CLSTN2: variants seen among roughly 807,000 people sequenced by gnomAD.
CLSTN2 encodes the protein calsyntenin 2, also known as calsyntenin-2.
A neutral mutation model predicts 101.2 loss-of-function variants in CLSTN2; 48 were observed. The ratio of observed to expected loss-of-function variants is 0.47; its 90% CI spans 0.38 to 0.60. CLSTN2 has a LOEUF of 0.60. Among genes scored for constraint, CLSTN2 ranks in the 20% least tolerant of loss-of-function variants. The pLI is 0.00. For synonymous variants in CLSTN2, 481 were observed against 463.6 expected, an observed-to-expected ratio of 1.04 and a Z score of -0.48; for missense variants, 1,160 against 1,238.2, an observed-to-expected ratio of 0.94 and a Z score of 0.95.
intron 2 of CLSTN2, among the ~76,000 whole-genome samples, chr3:140,292,703 C>A (rs369602911): frequency 6.6e-6 from 1 of 152,232 alleles, no homozygotes; most frequent in Non-Finnish European, 1.5e-5. Context: ...CTTAACCTCT[C>A]TCAGGCTCAA....
At chr3:140,370,452 G>T (rs2107956885) in intron 2 of CLSTN2, among the ~76,000 whole-genome samples, 1 of 152,222 alleles carries the variant, frequency 6.6e-6, no homozygotes, top group East Asian at 1.9e-4. Flanking sequence ...CTGGCATATG[G>T]TAGGTGCTCA....
intron 5 of CLSTN2, among the ~76,000 whole-genome samples, chr3:140,433,233 A>T (rs1372031071): frequency 6.6e-6 from 1 of 152,200 alleles, no homozygotes; most frequent in Non-Finnish European, 1.5e-5. Context: ...TGGCTTGTGG[A>T]TGGTGGAGGT....
intron 1 of CLSTN2, among the ~76,000 whole-genome samples, chr3:140,069,329 C>A (rs1054155807): frequency 6.6e-6 from 1 of 152,152 alleles, no homozygotes; most frequent in Non-Finnish European, 1.5e-5. Context: ...CTATCAGGAG[C>A]ATCCTGGGTA....
At chr3:140,532,204 T>C in intron 8 of CLSTN2, 120 bp from the exon 9 acceptor site, 1 of 665,574 alleles carries the variant, frequency 1.5e-6, no homozygotes, top group Non-Finnish European at 2.5e-6. Flanking sequence ...ATTCCTTGAG[T>C]GCTTTGCAAT....
At chr3:140,409,769 ATC>A (rs2088342496) in intron 4 of CLSTN2, among the ~76,000 whole-genome samples, 1 of 152,188 alleles carries the variant, frequency 6.6e-6, no homozygotes, top group South Asian at 2.1e-4. Context: ...AAACTCAGTG[ATC>A]TACAAGAGAA....
intron 9 of CLSTN2, among the ~76,000 whole-genome samples, chr3:140,540,849 CCT>C (rs1935460693): frequency 6.6e-6 from 1 of 152,206 alleles, no homozygotes; most frequent in Non-Finnish European, 1.5e-5. Flanking sequence ...GTGAGCCCCA[CCT>C]CTCAAATGAA....
chr3:140,362,081 A>T (rs2087735948), intron 2 of CLSTN2, among the ~76,000 whole-genome samples: 1 of 152,226 alleles, frequency 6.6e-6, no homozygotes, highest in South Asian at 2.1e-4. Flanking sequence ...ATAAATCGAC[A>T]GTAATCAGCA....
In CLSTN2 at chr3:140,235,315, G is replaced by A. The variant is rs556522196; in HGVS notation, c.232+59242G>A. 3.5e-4 allele frequency among the ~76,000 whole-genome samples: 53 copies of A among 152,170 alleles called. 1 individual carries two copies. In the South Asian group the frequency reaches 0.01, roughly 29 times the overall value. On this transcript the variant is annotated intron_variant, in intron 2 of 16. Coordinates refer to ENST00000458420, the MANE Select transcript of CLSTN2 (RefSeq NM_022131.3). The stretch of plus-strand genomic sequence containing the variant: ...CCAGATGGGGGCCCTAACAGTTCAC[G>A]CCACCCTTATTACCCTTTCCTTTCC...
chr3:140,221,096 A>G (rs528844662), intron 2 of CLSTN2, among the ~76,000 whole-genome samples: 1 of 152,352 alleles, frequency 6.6e-6, no homozygotes, highest in South Asian at 2.1e-4. Flanking sequence ...GTCACTGTAC[A>G]GTCAGCCAGG....
chr3:140,104,984 TA>T (rs5852969), intron 1 of CLSTN2, among the ~76,000 whole-genome samples: 50,158 of 151,934 alleles, frequency 0.33, 9,813 homozygotes, highest in East Asian at 0.56. Flanking sequence ...GTCTCAAAAA[TA>T]AAAAAACAAA....
At chr3:140,476,640 TCATGTTTTAG>T (rs1309727444) in intron 8 of CLSTN2, among the ~76,000 whole-genome samples, 45 of 150,496 alleles carry the variant, frequency 3.0e-4, no homozygotes, top group African/African-American at 8.6e-4. Context: ...TCATCAGGAA[TCATGTTTTAG>T]CATCTTTTTT....
intron 8 of CLSTN2, among the ~76,000 whole-genome samples, chr3:140,478,384 G>C (rs1236070364): frequency 6.7e-6 from 1 of 149,808 alleles, no homozygotes; most frequent in Non-Finnish European, 1.5e-5. Flanking sequence ...GTCTGTACGT[G>C]TCCATGTATG....
intron 1 of CLSTN2, among the ~76,000 whole-genome samples, chr3:140,117,513 T>TC (rs1413890570): frequency 3.3e-5 from 5 of 152,154 alleles, no homozygotes; most frequent in Admixed American, 3.3e-4. Flanking sequence ...TATGACATGT[T>TC]CCCATGACTG....
At chr3:140,564,422 C>A (rs1023235244) in intron 16 of CLSTN2, among the ~76,000 whole-genome samples, 2 of 152,206 alleles carry the variant, frequency 1.3e-5, no homozygotes, top group African/African-American at 4.8e-5. Context: ...AAGCAAACAC[C>A]ACGAGGTGGC....
At chr3:140,211,425 C>CACACACACACACACAG (rs2010853601) in intron 2 of CLSTN2, among the ~76,000 whole-genome samples, 1 of 148,314 alleles carries the variant, frequency 6.7e-6, no homozygotes, top group East Asian at 2.0e-4. Flanking sequence ...CACACACACA[C>CACACACACACACACAG]AGTATATATA....
chr3:139,985,912 A>G (rs1444543505), intron 1 of CLSTN2, among the ~76,000 whole-genome samples: 1 of 152,226 alleles, frequency 6.6e-6, no homozygotes. Flanking sequence ...AGAATTTTTA[A>G]ACTTCATTTA....
intron 2 of CLSTN2, among the ~76,000 whole-genome samples, chr3:140,367,485 C>G (rs2087804475): frequency 7.2e-6 from 1 of 139,094 alleles, no homozygotes; most frequent in Non-Finnish European, 1.5e-5. Context: ...TGCACTCCAT[C>G]CTGGTGACAG....
intron 2 of CLSTN2, among the ~76,000 whole-genome samples, chr3:140,396,688 G>T (rs535253052): frequency 6.6e-6 from 1 of 152,240 alleles, no homozygotes; most frequent in East Asian, 1.9e-4. Context: ...TAGAGATGTG[G>T]AAATAATTTC....
At chr3:140,233,365 A>T (rs933743319) in intron 2 of CLSTN2, among the ~76,000 whole-genome samples, 1 of 152,072 alleles carries the variant, frequency 6.6e-6, no homozygotes, top group South Asian at 2.1e-4. Context: ...TGGGCTGTAT[A>T]GGTGTTCTCC....
Sources: allele counts gnomAD v4.1 joint callset (sites outside exome capture counted in the v4.1 genomes callset), GRCh38; gene constraint gnomAD v4.1.1; transcripts MANE v1.5; gene names NCBI Gene and HGNC (gene_info 2026-07-23, HGNC 2026-07-21).